Variants in ELMO1 observed in about 807,000 individuals in gnomAD.
ELMO1 encodes engulfment and cell motility 1.
ELMO1 carries 26 observed loss-of-function variants against 98.9 expected under a neutral mutation model. The observed-to-expected ratio is 0.26, with a 90% CI of 0.19 to 0.36. The LOEUF is 0.36. Among genes scored for constraint, ELMO1 ranks in the 10% least tolerant of loss-of-function variants. The pLI is 1.00. For missense variants in ELMO1, 627 were observed against 935.2 expected (o/e 0.67, Z 4.30); for synonymous variants, 346 against 346.0 (o/e 1.00, Z 0.00).
intron 13 of ELMO1, among the ~76,000 whole-genome samples, chr7:37,208,028 G>A (rs1289786102): frequency 6.6e-6 from 1 of 152,228 alleles, no homozygotes; most frequent in Non-Finnish European, 1.5e-5. Flanking sequence ...CCTCAAAGGT[G>A]TTGTGGTTTA....
chr7:37,368,658 C>A (rs1216623218), intron 1 of ELMO1, among the ~76,000 whole-genome samples: 2 of 152,180 alleles, frequency 1.3e-5, no homozygotes, highest in South Asian at 2.1e-4. Flanking sequence ...ACAGGCTTTT[C>A]ATCTATTCTC....
chr7:37,156,257 T>G (rs1347597839), intron 13 of ELMO1, among the ~76,000 whole-genome samples: 5 of 151,776 alleles, frequency 3.3e-5, no homozygotes, highest in Non-Finnish European at 5.9e-5. Flanking sequence ...ACAACACAAT[T>G]AAAAGAACTA....
At chr7:37,222,477 A>G (rs1040234971) in intron 10 of ELMO1, 138 bp downstream of exon 10, 12 of 845,846 alleles carry the variant, frequency 1.4e-5, no homozygotes, top group Non-Finnish European at 7.6e-6. Context: ...GCAGCGGAAC[A>G]TAGCTGCTCT....
At chr7:37,050,223 C>G (rs1796027453) in intron 15 of ELMO1, among the ~76,000 whole-genome samples, 1 of 152,140 alleles carries the variant, frequency 6.6e-6, no homozygotes, top group African/African-American at 2.4e-5. Flanking sequence ...GGACAACACA[C>G]CACCACACAC....
chr7:36,867,585 T>TA (rs1452427146), intron 20 of ELMO1, among the ~76,000 whole-genome samples: 1 of 152,170 alleles, frequency 6.6e-6, no homozygotes, highest in East Asian at 1.9e-4. Context: ...CTTAGTGTCC[T>TA]GAGGTGGAAG....
chr7:37,067,650 A>T (rs192786146), intron 15 of ELMO1, among the ~76,000 whole-genome samples: 1 of 152,352 alleles, frequency 6.6e-6, no homozygotes, highest in African/African-American at 2.4e-5. Context: ...TTTCTAAGTT[A>T]TCTCTATTAA....
chr7:36,975,704 G>A (rs143598301), intron 16 of ELMO1, among the ~76,000 whole-genome samples: 11,229 of 149,336 alleles, frequency 0.075, 523 homozygotes, highest in Middle Eastern at 0.19. Flanking sequence ...AAAATTAGCC[G>A]GGCGTGGTGG....
At chr7:37,119,377 A>C (rs1785839685) in intron 14 of ELMO1, among the ~76,000 whole-genome samples, 1 of 152,214 alleles carries the variant, frequency 6.6e-6, no homozygotes, top group African/African-American at 2.4e-5. Context: ...AAAGGCTCAA[A>C]AGATAGTAGC....
intron 9 of ELMO1, 123 bp from the exon 10 acceptor site, chr7:37,222,816 C>G (rs906283550): frequency 2.5e-6 from 2 of 786,636 alleles, no homozygotes; most frequent in African/African-American, 3.5e-5. Flanking sequence ...GAGAGAAAGG[C>G]AGGGCCTAGA....
At chr7:36,976,183 T>C (rs1049991465) in intron 16 of ELMO1, among the ~76,000 whole-genome samples, 8 of 152,202 alleles carry the variant, frequency 5.3e-5, no homozygotes, top group Non-Finnish European at 8.8e-5. Context: ...GAGTGGGCCA[T>C]ATTTGGCCCA....
chr7:37,360,662 T>C (rs1801667595), intron 1 of ELMO1, among the ~76,000 whole-genome samples: 1 of 152,148 alleles, frequency 6.6e-6, no homozygotes, highest in Non-Finnish European at 1.5e-5. Context: ...ATTTCAAAGA[T>C]TTCAACCCAA....
intron 16 of ELMO1, chr7:36,919,334 T>C (rs1187513317): frequency 5.7e-6 from 3 of 528,096 alleles, no homozygotes; most frequent in South Asian, 2.8e-5. Flanking sequence ...GCTCAGATGC[T>C]GGCTGAAGAC....
At chr7:37,130,310 G>T (rs1444536750) in intron 14 of ELMO1, among the ~76,000 whole-genome samples, 1 of 152,162 alleles carries the variant, frequency 6.6e-6, no homozygotes, top group Non-Finnish European at 1.5e-5. Flanking sequence ...TTGGCTCATG[G>T]CTGGGCATTT....
At chr7:37,400,937 TA>T (rs1211748714) in intron 1 of ELMO1, among the ~76,000 whole-genome samples, 32 of 152,332 alleles carry the variant, frequency 2.1e-4, no homozygotes, top group African/African-American at 7.5e-4. Context: ...GCAAAGGACT[TA>T]GGACAAGACT....
intron 1 of ELMO1, among the ~76,000 whole-genome samples, chr7:37,406,759 C>T (rs1430198416): frequency 2.0e-5 from 3 of 152,096 alleles, no homozygotes; most frequent in African/African-American, 7.2e-5. Flanking sequence ...TATTCTTAGT[C>T]TTGTTTTTTG....
At chr7:37,238,161 T>C (rs888237781) in intron 7 of ELMO1, among the ~76,000 whole-genome samples, 3 of 152,208 alleles carry the variant, frequency 2.0e-5, no homozygotes, top group African/African-American at 7.2e-5. Flanking sequence ...TGCTATCTAA[T>C]TAAAATTGTG....
intron 16 of ELMO1, among the ~76,000 whole-genome samples, chr7:36,970,188 C>T (rs1414637601): frequency 2.6e-4 from 28 of 108,496 alleles, no homozygotes; most frequent in African/African-American, 9.2e-4. Context: ...TTAACACACA[C>T]ACACACACAC....
chr7:36,885,004 A>C (rs1017683457), intron 18 of ELMO1, among the ~76,000 whole-genome samples: 2 of 152,114 alleles, frequency 1.3e-5, no homozygotes, highest in African/African-American at 4.8e-5. Context: ...TAAAAATGTC[A>C]TGTTCTTATT....
chr7:37,123,981 A>G (rs1292348509), intron 14 of ELMO1, among the ~76,000 whole-genome samples: 2 of 152,254 alleles, frequency 1.3e-5, no homozygotes, highest in Non-Finnish European at 2.9e-5. Context: ...GGCTGGTTCA[A>G]CATATGCAAA....
Sources: gnomAD v4.1 joint callset for allele counts (sites outside exome capture counted in the v4.1 genomes callset) on GRCh38, gnomAD v4.1.1 for gene constraint, MANE v1.5 for transcripts, NCBI Gene and HGNC (gene_info 2026-07-23, HGNC 2026-07-21) for gene names.